PRR5: variants seen among roughly 807,000 people sequenced by gnomAD.
PRR5 encodes the protein proline-rich protein 5.
In PRR5, 25 loss-of-function variants were observed where a neutral mutation model predicts 30.6. The observed-to-expected ratio is 0.82, with a 90% CI of 0.60 to 1.14. PRR5 has a LOEUF of 1.14. Among genes scored for constraint, PRR5 ranks in the 50% most tolerant of loss-of-function variants. PRR5 has a pLI of 0.00. For missense variants in PRR5, 600 were observed against 547.1 expected, an observed-to-expected ratio of 1.10 and a Z score of -0.96; for synonymous variants, 286 against 247.1, an observed-to-expected ratio of 1.16 and a Z score of -1.48.
At chr22:44,711,403 A>G (rs1928217312) in intron 1 of PRR5, among the ~76,000 whole-genome samples, 1 of 152,070 alleles carries the variant, frequency 6.6e-6, no homozygotes, top group Non-Finnish European at 1.5e-5. Context: ...TCAAGGGGGT[A>G]GTCAGGAGGG....
chr22:44,683,204 T>C (rs1320594626), intron 1 of PRR5, among the ~76,000 whole-genome samples: 10 of 152,140 alleles, frequency 6.6e-5, no homozygotes, highest in African/African-American at 2.4e-4. Flanking sequence ...GCTGGGAGCT[T>C]CTAACTGCAT....
In PRR5 at chr22:44,731,895, G is replaced by T. The variant is rs565737160; in HGVS notation, c.414+74G>T. ...CACCCTGGCCTCACTCTACAGAGGG[G>T]GGCCGCCAGGCTTGGGGACACACAC... On this transcript the variant is annotated intron_variant, in intron 5 of 7. Coordinates refer to ENST00000336985, the MANE Select transcript of PRR5 (RefSeq NM_181333.4). 28 of 1,455,236 alleles carry T rather than the reference G, an allele frequency of 1.9e-5. No homozygotes were observed. In the African/African-American group the frequency reaches 3.5e-4, roughly 18 times the overall value. The allele number at this position is 1,455,236 out of a possible 1,614,324, so 90.1% of individuals were successfully genotyped here.
intron 1 of PRR5, among the ~76,000 whole-genome samples, chr22:44,711,811 G>A (rs572385204): frequency 2.0e-5 from 3 of 152,170 alleles, no homozygotes; most frequent in Non-Finnish European, 4.4e-5. Flanking sequence ...GGCTCTCCCA[G>A]CAGATGCAGG....
At chr22:44,718,272 G>A (rs925241551) in intron 2 of PRR5, among the ~76,000 whole-genome samples, 3 of 135,692 alleles carry the variant, frequency 2.2e-5, no homozygotes, top group African/African-American at 8.4e-5. Context: ...TTGGCTCACT[G>A]CAACCTCCGC....
At chr22:44,732,834 C>CACACG (rs1234485559) in intron 6 of PRR5, among the ~76,000 whole-genome samples, 2 of 25,234 alleles carry the variant, frequency 7.9e-5, no homozygotes, top group Non-Finnish European at 2.0e-4. Flanking sequence ...CACGCACATA[C>CACACG]TACACACGTG....
chr22:44,702,164 GCCGAGACCCGCC>G, upstream of PRR5: 2 of 501,148 alleles, frequency 4.0e-6, no homozygotes, highest in Non-Finnish European at 5.2e-6. Flanking sequence ...CCCCCGGGGC[GCCGAGACCCGCC>G]CCTGGGCCCG....
At chr22:44,719,419 GA>G (rs1220334779) in intron 2 of PRR5, among the ~76,000 whole-genome samples, 3 of 152,214 alleles carry the variant, frequency 2.0e-5, no homozygotes, top group Non-Finnish European at 2.9e-5. Context: ...TCTCTGTCCA[GA>G]GGGCTGCGGA....
intron 1 of PRR5, among the ~76,000 whole-genome samples, chr22:44,703,276 A>T (rs1176546933): frequency 6.6e-6 from 1 of 152,144 alleles, no homozygotes; most frequent in Non-Finnish European, 1.5e-5. Flanking sequence ...CCCTAGGAAA[A>T]TGAGAGGCAG....
chr22:44,708,984 AAAAAAAAAAG>A (rs1272694731), intron 1 of PRR5, among the ~76,000 whole-genome samples: 1 of 150,570 alleles, frequency 6.6e-6, no homozygotes, highest in African/African-American at 2.4e-5. Context: ...AAAAAAAAAA[AAAAAAAAAAG>A]AAGGTACAAG....
At chr22:44,721,298 C>A (rs763215) in intron 2 of PRR5, among the ~76,000 whole-genome samples, 1 of 152,046 alleles carries the variant, frequency 6.6e-6, no homozygotes, top group South Asian at 2.1e-4. Context: ...TTGAAATACC[C>A]TCTAGAGGTT....
chr22:44,732,053 C>A (rs1922095770), intron 5 of PRR5, among the ~76,000 whole-genome samples, 198 bp from the exon 6 acceptor site: 1 of 152,248 alleles, frequency 6.6e-6, no homozygotes, highest in Admixed American at 6.5e-5. Flanking sequence ...CGTAGGGGCT[C>A]TGTGACAGTA....
At chr22:44,700,057 T>C (rs1926117856), upstream of PRR5, among the ~76,000 whole-genome samples, 2 of 152,178 alleles carry the variant, frequency 1.3e-5, no homozygotes, top group Admixed American at 1.3e-4. Flanking sequence ...AGTTCATGCC[T>C]GTAATCCTAA....
chr22:44,730,863 G>C (rs1490632902), intron 4 of PRR5: 1 of 447,880 alleles, frequency 2.2e-6, no homozygotes, highest in South Asian at 1.8e-5. Context: ...CTCAGCCTCT[G>C]TCTGCTTGGT....
At chr22:44,690,666 C>G (rs1042281208) in intron 1 of PRR5, among the ~76,000 whole-genome samples, 1 of 152,202 alleles carries the variant, frequency 6.6e-6, no homozygotes, top group Non-Finnish European at 1.5e-5. Context: ...AGCCGCGATC[C>G]TCTGGCTGCA....
intron 1 of PRR5, among the ~76,000 whole-genome samples, chr22:44,713,480 A>G (rs1928570880): frequency 6.6e-6 from 1 of 152,118 alleles, no homozygotes; most frequent in South Asian, 2.1e-4. Context: ...TGATCCACCC[A>G]TCTTGGCCTC....
intron 1 of PRR5, among the ~76,000 whole-genome samples, chr22:44,683,830 C>T (rs1276482136): frequency 1.3e-5 from 2 of 152,360 alleles, no homozygotes; most frequent in African/African-American, 4.8e-5. Context: ...TCGCGAGCCA[C>T]CCGGGGAATG....
At chr22:44,693,115 T>C (rs1210631958) in intron 1 of PRR5, among the ~76,000 whole-genome samples, 1 of 152,004 alleles carries the variant, frequency 6.6e-6, no homozygotes, top group African/African-American at 2.4e-5. Context: ...GGCAACGTAT[T>C]TGTGTCCTGG....
rs753674163 is a variant in PRR5, at chr22:44,702,464, C to A, written c.-11C>A. 1 of 1,375,980 alleles carries A rather than the reference C, an allele frequency of 7.3e-7. No individual in the cohort carries two copies. The highest frequency in any genetic ancestry group is 3.1e-5 in the Admixed American group (1 of 32,046). 85.2% of individuals were successfully genotyped at this position (1,375,980 alleles called of 1,614,324 possible). A position where few individuals can be genotyped will look rare whatever the true frequency, so the allele number is the denominator to read the frequency against. On this transcript the variant is annotated 5_prime_UTR_variant, in exon 1 of 8. Transcript: ENST00000336985. The stretch of plus-strand genomic sequence containing the variant: ...GCGCGCGTGGGCGCGGCGCAGGCGG[C>A]CCGGGTCACCATGAGGACTCTCCGC...
chr22:44,689,469 AT>A, intron 1 of PRR5, among the ~76,000 whole-genome samples: 1 of 152,342 alleles, frequency 6.6e-6, no homozygotes, highest in Admixed American at 6.5e-5. Context: ...CTGTAGCCAG[AT>A]TACCCGAAGA....
Sources: allele counts gnomAD v4.1 joint callset (sites outside exome capture counted in the v4.1 genomes callset), GRCh38; gene constraint gnomAD v4.1.1; transcripts MANE v1.5; gene names NCBI Gene and HGNC (gene_info 2026-07-23, HGNC 2026-07-21).